Variants in CBLN1 observed in about 807,000 individuals in gnomAD.
CBLN1 encodes the protein cerebellin 1 precursor, also known as cerebellin-1.
A neutral mutation model predicts 15.9 loss-of-function variants in CBLN1; 5 were observed. That is an observed-to-expected ratio of 0.31 (90% CI 0.16 to 0.66). CBLN1 has a LOEUF of 0.66. Among genes scored for constraint, CBLN1 ranks in the 30% least tolerant of loss-of-function variants. CBLN1 has a pLI of 0.75. For missense variants in CBLN1, 164 were observed against 253.7 expected, an observed-to-expected ratio of 0.65 and a Z score of 2.40; for synonymous variants, 90 against 107.6, an observed-to-expected ratio of 0.84 and a Z score of 1.01.
Position 49,277,971 on chromosome 16 carries a change from G to A in CBLN1, c.*1433C>T, listed in dbSNP as rs1303599503. On this transcript the variant is annotated 3_prime_UTR_variant, in exon 3 of 3. Coordinates refer to ENST00000219197, the MANE Select transcript of CBLN1 (RefSeq NM_004352.4). The stretch of plus-strand genomic sequence containing the variant: ...CATTTTTGCTTTCACATTATGTTCC[G>A]ATACAATCAAAACTCCTGGACGAAC... 1 of 152,178 alleles carries A rather than the reference G, an allele frequency of 6.6e-6. No individual in the cohort carries two copies. Among genetic ancestry groups the A allele is most frequent in the Non-Finnish European group, 1.5e-5 (1 of 68,038 alleles). The allele number at this position is 152,178 out of a possible 1,614,324, so 9.4% of individuals were successfully genotyped here. A position where few individuals can be genotyped will look rare whatever the true frequency, so the allele number is the denominator to read the frequency against.
Position 49,281,777 on chromosome 16 carries a change from G to GCCGCCTCCTGCCCGCACCCGCCGCTT in CBLN1, c.-313_-312insAAGCGGCGGGTGCGGGCAGGAGGCGG, listed in dbSNP as rs1567335000. ...CCGCCTCCTGCCCGCACCCGCCGCT[G>GCCGCCTCCTGCCCGCACCCGCCGCTT]CCGCCGCCGCCGCCGCTCTGAATTA... On this transcript the variant is annotated 5_prime_UTR_variant, in exon 1 of 3. Coordinates refer to ENST00000219197, the MANE Select transcript of CBLN1 (RefSeq NM_004352.4). 2.2e-4 allele frequency: 61 copies of GCCGCCTCCTGCCCGCACCCGCCGCTT among 279,876 alleles called. No homozygotes were observed. The highest frequency in any genetic ancestry group is 2.0e-3 in the Middle Eastern group (2 of 982). The allele number at this position is 279,876 out of a possible 1,614,324, so 17.3% of individuals were successfully genotyped here. A position where few individuals can be genotyped will look rare whatever the true frequency, so the allele number is the denominator to read the frequency against.
chr16:49,281,148 C>T, intron 1 of CBLN1, 54 bp downstream of exon 1: 1 of 1,614,090 alleles, frequency 6.2e-7, no homozygotes, highest in African/African-American at 1.3e-5. Flanking sequence ...GGTCTTCCAT[C>T]CATCCCTCCT....
intron 2 of CBLN1, 125 bp from the exon 3 acceptor site, chr16:49,279,726 T>TCG: frequency 9.6e-6 from 2 of 208,792 alleles, no homozygotes; most frequent in South Asian, 6.6e-5. Context: ...AGGTGGGGGG[T>TCG]GGGGGGGGCG....
rs756858806 is a variant in CBLN1, at chr16:49,281,300, G to T, written c.166C>A (p.Arg56Ser). The T allele has an allele frequency of 1.1e-5, 18 of 1,613,554 alleles. No individual in the cohort carries two copies. Among genetic ancestry groups the T allele is most frequent in the Non-Finnish European group, 1.5e-5 (18 of 1,180,030 alleles). ...AAAGCCACCTTGGCGCTGCCAGAGC[G>T]CACAGAGATGCCCAGGGCAGTGCCC... Reference protein sequence around the residue: ...PTGTALGISVRSGSAKVAFSA... With the variant: ...PTGTALGISVSSGSAKVAFSA... The change falls in exon 1 of 3, where the codon CGC (arginine) becomes AGC (serine). Residue 56 changes from arginine to serine, a missense_variant. By Grantham distance (110) the Arg-to-Ser change is moderately radical (BLOSUM62 -1). Transcript: ENST00000219197.
chr16:49,279,716 A>AGGGGGGGGGGGGGGGGGG, intron 2 of CBLN1, 115 bp from the exon 3 acceptor site: 1 of 160,522 alleles, frequency 6.2e-6, no homozygotes, highest in Non-Finnish European at 1.1e-5. Flanking sequence ...AAGCACGGAG[A>AGGGGGGGGGGGGGGGGGG]GGTGGGGGGT....
At chr16:49,280,518 G>T (rs1963255206) in intron 2 of CBLN1, among the ~76,000 whole-genome samples, 1 of 152,194 alleles carries the variant, frequency 6.6e-6, no homozygotes, top group Admixed American at 6.5e-5. Flanking sequence ...AGACAAGCAC[G>T]CAAGCCGCAT....
rs1401387852 is a variant in CBLN1 at position 49,281,522 on chromosome 16, C to G, written c.-57G>C. 9.1e-6 allele frequency: 11 copies of G among 1,213,754 alleles called. No homozygotes were observed. The Admixed American group carries it at 1.2e-4, about 14-fold the overall frequency. 75.2% of individuals were successfully genotyped at this position (1,213,754 alleles called of 1,614,324 possible). A position where few individuals can be genotyped will look rare whatever the true frequency, so the allele number is the denominator to read the frequency against. The stretch of plus-strand genomic sequence containing the variant: ...CCCAGGGCTGCTCGCGCCAGCCGCC[C>G]CCCCCGTCCCAGTCCCGCTCCGAAG... On this transcript the variant is annotated 5_prime_UTR_variant, in exon 1 of 3. Coordinates refer to ENST00000219197, the MANE Select transcript of CBLN1 (RefSeq NM_004352.4).
rs2151233993 is a variant in CBLN1 at position 49,281,542 on chromosome 16, C to T, written c.-77G>A. 5 of 1,035,924 alleles carry T rather than the reference C, an allele frequency of 4.8e-6. No homozygotes were observed. The highest frequency in any genetic ancestry group is 6.4e-6 in the Non-Finnish European group (5 of 785,424). The allele number at this position is 1,035,924 out of a possible 1,614,324, so 64.2% of individuals were successfully genotyped here. A position where few individuals can be genotyped will look rare whatever the true frequency, so the allele number is the denominator to read the frequency against. ...CCGCCCCCCCCGTCCCAGTCCCGCT[C>T]CGAAGCCCCCTCCTCAGCTCCGTGC... On this transcript the variant is annotated 5_prime_UTR_variant, in exon 1 of 3. Transcript: ENST00000219197.
At position 49,280,252 on chromosome 16, in the gene CBLN1, CT is replaced by C. The variant is rs11321050; in HGVS notation, c.385-652del. On this transcript the variant is annotated intron_variant, in intron 2 of 2. Coordinates refer to ENST00000219197, the MANE Select transcript of CBLN1 (RefSeq NM_004352.4). ...CACCGTCAGCCAAGGGCCTCGCGCC[CT>C]CTCCCCAGCTGTGCGTCCCACCTCT... Among the ~76,000 whole-genome samples, 433 of 152,318 alleles carry C rather than the reference CT, an allele frequency of 2.8e-3. 2 individuals are homozygous for C. Among genetic ancestry groups the C allele is most frequent in the African/African-American group, 9.9e-3 (412 of 41,566 alleles).
chr16:49,280,515 CA>C (rs1356271876), intron 2 of CBLN1, among the ~76,000 whole-genome samples: 2 of 152,240 alleles, frequency 1.3e-5, no homozygotes, highest in African/African-American at 4.8e-5. Context: ...TGAAGACAAG[CA>C]CGCAAGCCGC....
In CBLN1 at chr16:49,279,214, T is replaced by G. The variant is rs3743776; in HGVS notation, c.*190A>C. 0.013 allele frequency: 8,060 copies of G among 606,554 alleles called. 85 individuals are homozygous for G. Among genetic ancestry groups the G allele is most frequent in the African/African-American group, 0.042 (2,254 of 54,066 alleles). 37.6% of individuals were successfully genotyped at this position (606,554 alleles called of 1,614,324 possible). ...GGGAGTGCGCAGAGCTAAGCGAAATTTATTTCTCCTAATAAGGAAATGGAC... is the reference window on the plus strand; with the variant it reads ...GGGAGTGCGCAGAGCTAAGCGAAATGTATTTCTCCTAATAAGGAAATGGAC... On this transcript the variant is annotated 3_prime_UTR_variant, in exon 3 of 3. Transcript: ENST00000219197.
In CBLN1 at chr16:49,279,312, GTGC is replaced by G; in HGVS notation, c.*89_*91del. 8.4e-7 allele frequency: 1 copy of G among 1,195,694 alleles called. No individual in the cohort carries two copies. Among genetic ancestry groups the G allele is most frequent in the Non-Finnish European group, 1.2e-6 (1 of 817,358 alleles). 74.1% of individuals were successfully genotyped at this position (1,195,694 alleles called of 1,614,324 possible). On this transcript the variant is annotated 3_prime_UTR_variant, in exon 3 of 3. Coordinates refer to ENST00000219197, the MANE Select transcript of CBLN1 (RefSeq NM_004352.4). ...GAGAACATGTAGGAAGTTTCAAGTC[GTGC>G]TGCTTTCTCGCCCTCTTAATTTCAG...
At position 49,279,501 on chromosome 16, in the gene CBLN1, T is replaced by A; in HGVS notation, c.485A>T (p.Glu162Val). Residue 162 changes from glutamate to valine, a missense_variant, in exon 3 of 3, where the codon GAG becomes GTG. Physicochemically the swap from Glu to Val is moderately radical, Grantham distance 121. Coordinates refer to ENST00000219197, the MANE Select transcript of CBLN1 (RefSeq NM_004352.4). ...AASNGVLIQM[E>V]KGDRAYLKLE... is the part of the protein sequence containing the mutation. ...CTTGAGGTATGCTCGGTCGCCTTTC[T>A]CCATTTGGATTAGGACTCCGTTGCT... The A allele has an allele frequency of 6.2e-7, 1 of 1,614,154 alleles. No homozygotes were observed. Among genetic ancestry groups the A allele is most frequent in the Non-Finnish European group, 8.5e-7 (1 of 1,180,040 alleles).
intron 2 of CBLN1, 72 bp downstream of exon 2, chr16:49,280,851 G>A (rs1359421144): frequency 1.3e-6 from 2 of 1,583,550 alleles, no homozygotes; most frequent in Non-Finnish European, 1.7e-6. Flanking sequence ...TACCACCTCC[G>A]GACAGCCCGA....
At chr16:49,280,823 G>T (rs1425169498) in intron 2 of CBLN1, 100 bp downstream of exon 2, 3 of 1,365,228 alleles carry the variant, frequency 2.2e-6, no homozygotes, top group Non-Finnish European at 3.1e-6. Flanking sequence ...CGAAGTACAT[G>T]CAGCCGCCAC....
Position 49,281,744 on chromosome 16 carries a change from TGC to T in CBLN1, c.-281_-280del. The T allele has an allele frequency of 6.7e-6, 2 of 298,166 alleles. No homozygotes were observed. Among genetic ancestry groups the T allele is most frequent in the Non-Finnish European group, 1.2e-5 (2 of 163,636 alleles). 18.5% of individuals were successfully genotyped at this position (298,166 alleles called of 1,614,324 possible). ...CATAGCCGCTGCTGCTCGGTCCCGCTGCTGCCGCCGCCTCCTGCCCGCACCCG... is the reference window on the plus strand; with the variant it reads ...CATAGCCGCTGCTGCTCGGTCCCGCTTGCCGCCGCCTCCTGCCCGCACCCG... On this transcript the variant is annotated 5_prime_UTR_variant, in exon 1 of 3. Transcript: ENST00000219197.
In CBLN1 at chr16:49,278,401, AG is replaced by A. The variant is rs1963222296; in HGVS notation, c.*1002del. 6.6e-6 allele frequency: 1 copy of A among 152,260 alleles called. No individual in the cohort carries two copies. The highest frequency in any genetic ancestry group is 2.4e-5 in the African/African-American group (1 of 41,458). The allele number at this position is 152,260 out of a possible 1,614,324, so 9.4% of individuals were successfully genotyped here. A position where few individuals can be genotyped will look rare whatever the true frequency, so the allele number is the denominator to read the frequency against. On this transcript the variant is annotated 3_prime_UTR_variant, in exon 3 of 3. Coordinates refer to ENST00000219197, the MANE Select transcript of CBLN1 (RefSeq NM_004352.4). ...GCTTTGCAAGGAAGCCCTCGCGCCC[AG>A]GCCTTTCTATGGTTGCGTTCCCCCA... is the stretch of plus-strand genomic sequence containing the variant.
Position 49,281,400 on chromosome 16 carries a change from C to T in CBLN1, c.66G>A (p.Gln22=), listed in dbSNP as rs1294292626. The T allele has an allele frequency of 6.2e-7, 1 of 1,603,010 alleles. No homozygotes were observed. Among genetic ancestry groups the T allele is most frequent in the Middle Eastern group, 1.7e-4 (1 of 5,744 alleles). ...CCAGCACGATGGGCTCCGTCTCATT[C>T]TGCCCGCGGGCCGGGCCCGCCAGCC... ...AAWLAGPARG[Q]NETEPIVLEG... The change falls in exon 1 of 3, where the codon CAG becomes CAA. Residue 22 remains glutamine, a synonymous_variant. Transcript: ENST00000219197.
chr16:49,281,154 C>T (rs373112427), intron 1 of CBLN1, 48 bp downstream of exon 1: 2 of 1,614,044 alleles, frequency 1.2e-6, no homozygotes, highest in East Asian at 2.2e-5. Context: ...CCATCCATCC[C>T]TCCTTCACCA....
Sources: gnomAD v4.1 joint callset for allele counts (sites outside exome capture counted in the v4.1 genomes callset) on GRCh38, gnomAD v4.1.1 for gene constraint, MANE v1.5 for transcripts, NCBI Gene and HGNC (gene_info 2026-07-23, HGNC 2026-07-21) for gene names.